ADGRA2: variants seen among roughly 807,000 people sequenced by gnomAD.
ADGRA2 encodes G-protein coupled receptor 124.
In ADGRA2, 61 loss-of-function variants were observed where a neutral mutation model predicts 98.7. The observed-to-expected ratio is 0.62, with a 90% CI of 0.50 to 0.76. ADGRA2 has a LOEUF of 0.76. Ranked by LOEUF, ADGRA2 falls within the 30% of genes least tolerant of loss-of-function variation. The pLI is 0.00. For missense variants in ADGRA2, 1,712 were observed against 1,860.0 expected (o/e 0.92, Z 1.46); for synonymous variants, 858 against 831.5 (o/e 1.03, Z -0.55).
In ADGRA2 at chr8:37,837,798, C is replaced by T. The variant is rs567655165; in HGVS notation, c.2118C>T (p.Ala706=). ...CGCTGCGGCACTGGGCTGAGGGAGC[C>T]GAACCTGTGGCCGCTTGGTGGAGCC... ...AVSLRHWAEG[A]EPVAAWWSQE... The change falls in exon 14 of 19, where the codon GCC becomes GCT. Residue 706 remains alanine (A), a synonymous_variant. Coordinates refer to ENST00000412232, the MANE Select transcript of ADGRA2 (RefSeq NM_032777.10). 3.7e-5 allele frequency: 58 copies of T among 1,547,624 alleles called. 1 individual carries two copies. Among genetic ancestry groups the T allele is most frequent in the African/African-American group, 2.9e-4 (21 of 73,212 alleles).
At chr8:37,831,975 G>A (rs1370652420) in intron 8 of ADGRA2, among the ~76,000 whole-genome samples, 1 of 152,120 alleles carries the variant, frequency 6.6e-6, no homozygotes, top group Admixed American at 6.5e-5. Context: ...CAGGAGAATC[G>A]CTTGAACCCA....
intron 1 of ADGRA2, among the ~76,000 whole-genome samples, chr8:37,813,474 T>C (rs1804896630): frequency 6.6e-6 from 1 of 152,170 alleles, no homozygotes; most frequent in African/African-American, 2.4e-5. Context: ...ACGACTACTG[T>C]GATGTACTTT....
At position 37,797,373 on chromosome 8, in the gene ADGRA2, C is replaced by T; in HGVS notation, c.105C>T (p.Pro35=). 2.1e-6 allele frequency: 3 copies of T among 1,425,572 alleles called. No homozygotes were observed. Among genetic ancestry groups the T allele is most frequent in the Non-Finnish European group, 2.8e-6 (3 of 1,090,652 alleles). 88.3% of individuals were successfully genotyped at this position (1,425,572 alleles called of 1,614,324 possible). A position where few individuals can be genotyped will look rare whatever the true frequency, so the allele number is the denominator to read the frequency against. Reference sequence around the variant, plus strand: ...TGGCGCCCGAGGCTCGGGGCGCGCCCGGCTGCCCGCTATCCATCCGCAGCT... The same window carrying T: ...TGGCGCCCGAGGCTCGGGGCGCGCCTGGCTGCCCGCTATCCATCCGCAGCT... ...LLLAPEARGA[P]GCPLSIRSCK... is the part of the protein sequence containing the mutation. Residue 35 remains proline (P), a synonymous_variant, in exon 1 of 19, where the codon CCC becomes CCT. Coordinates refer to ENST00000412232, the MANE Select transcript of ADGRA2 (RefSeq NM_032777.10). The surrounding 1 kb of genome is among the most constrained non-coding windows in gnomAD (Gnocchi z 5.3).
intron 9 of ADGRA2, 51 bp downstream of exon 9, chr8:37,833,259 A>G: frequency 7.0e-7 from 1 of 1,422,556 alleles, no homozygotes; most frequent in Non-Finnish European, 9.6e-7. Context: ...GGCACAGGGA[A>G]GGGAGAAGCC....
At chr8:37,806,631 G>GCAATTCT (rs1804677465) in intron 1 of ADGRA2, among the ~76,000 whole-genome samples, 1 of 149,010 alleles carries the variant, frequency 6.7e-6, no homozygotes, top group Admixed American at 6.7e-5. Flanking sequence ...CTGGGTTCAA[G>GCAATTCT]CAATTCTCCT....
intron 1 of ADGRA2, among the ~76,000 whole-genome samples, chr8:37,807,241 A>G (rs1020215008): frequency 5.9e-5 from 9 of 152,180 alleles, no homozygotes; most frequent in African/African-American, 2.2e-4. Flanking sequence ...CCTCACCAAC[A>G]TTTATGTCCC....
chr8:37,841,305 A>G lies in ADGRA2; in HGVS notation c.2967A>G (p.Ser989=). The G allele has an allele frequency of 6.2e-7, 1 of 1,609,072 alleles. No homozygotes were observed. The highest frequency in any genetic ancestry group is 2.2e-5 in the East Asian group (1 of 44,786). The change falls in exon 19 of 19, where the codon TCA becomes TCG. Residue 989 remains serine (S), a synonymous_variant. Transcript: ENST00000412232. This position sits in a 1 kb window ranked among gnomAD's most constrained non-coding sequence, Gnocchi z 5.0. ...LRGSGPLLSD[S]GSLLATGSAR... ...GCAGCGGCCCCCTCCTGAGTGACTC[A>G]GGTTCCCTTCTTGCTACTGGGAGCG... is the stretch of plus-strand genomic sequence containing the variant.
intron 2 of ADGRA2, among the ~76,000 whole-genome samples, chr8:37,821,668 T>C (rs1001159321): frequency 6.6e-6 from 1 of 152,050 alleles, no homozygotes; most frequent in Admixed American, 6.5e-5. Flanking sequence ...AGCACATGGG[T>C]CTGTGTGGAC....
chr8:37,829,193 T>A, intron 3 of ADGRA2, 68 bp from the exon 4 acceptor site: 1 of 1,168,792 alleles, frequency 8.6e-7, no homozygotes, highest in Non-Finnish European at 1.3e-6. Context: ...CCCACCCATG[T>A]GTTCCTCACA....
chr8:37,834,131 A>T lies in ADGRA2; in HGVS notation c.1608+3A>T. On this transcript the variant is annotated splice_donor_region_variant and intron_variant, in intron 11 of 18. Coordinates refer to ENST00000412232, the MANE Select transcript of ADGRA2 (RefSeq NM_032777.10). This position sits in a 1 kb window ranked among gnomAD's most constrained non-coding sequence, Gnocchi z 4.2. ...CCCATGCCCAGCACATCTCAGTGGT[A>T]ATGGGGGTCAGCAGAGGGGGTGGCC... The T allele has an allele frequency of 1.2e-6, 2 of 1,607,812 alleles. No individual in the cohort carries two copies. The highest frequency in any genetic ancestry group is 1.7e-6 in the Non-Finnish European group (2 of 1,177,400).
At position 37,797,500 on chromosome 8, in the gene ADGRA2, G is replaced by A. The variant is rs768865629; in HGVS notation, c.232G>A (p.Glu78Lys). The A allele has an allele frequency of 2.9e-6, 4 of 1,403,238 alleles. No homozygotes were observed. Among genetic ancestry groups the A allele is most frequent in the Non-Finnish European group, 3.7e-6 (4 of 1,075,036 alleles). 86.9% of individuals were successfully genotyped at this position (1,403,238 alleles called of 1,614,324 possible). A position where few individuals can be genotyped will look rare whatever the true frequency, so the allele number is the denominator to read the frequency against. Residue 78 changes from glutamate to lysine, a missense_variant, in exon 1 of 19, where the codon GAG becomes AAG. Coordinates refer to ENST00000412232, the MANE Select transcript of ADGRA2 (RefSeq NM_032777.10). The surrounding 1 kb of genome is among the most constrained non-coding windows in gnomAD (Gnocchi z 5.3). ...CGGCGGGGACCTCCCGGAGCCTCCCGAGCCCGGCCTTCTGCCTAACGGCAC... is the reference window on the plus strand; with the variant it reads ...CGGCGGGGACCTCCCGGAGCCTCCCAAGCCCGGCCTTCTGCCTAACGGCAC... ...CSGGDLPEPP[E>K]PGLLPNGTVT...
In ADGRA2 at chr8:37,797,236, C is replaced by A; in HGVS notation, c.-33C>A. The A allele has an allele frequency of 8.2e-7, 1 of 1,225,102 alleles. No individual in the cohort carries two copies. The highest frequency in any genetic ancestry group is 1.0e-6 in the Non-Finnish European group (1 of 984,692). 75.9% of individuals were successfully genotyped at this position (1,225,102 alleles called of 1,614,324 possible). On this transcript the variant is annotated 5_prime_UTR_variant, in exon 1 of 19. Transcript: ENST00000412232. The surrounding 1 kb of genome is among the most constrained non-coding windows in gnomAD (Gnocchi z 5.3). ...CTCCGGCCGGCGCGCAGCCCGGCCC[C>A]AGCGCTGTGGGTCCCCGCGGGGCGA...
intron 7 of ADGRA2, 105 bp from the exon 8 acceptor site, chr8:37,831,318 A>T: frequency 9.5e-7 from 1 of 1,049,626 alleles, no homozygotes; most frequent in African/African-American, 1.6e-5. Context: ...TTGTTTCATT[A>T]AAGAAAAAAG....
chr8:37,840,021 C>A, intron 16 of ADGRA2, 100 bp from the exon 17 acceptor site: 1 of 1,138,922 alleles, frequency 8.8e-7, no homozygotes, highest in East Asian at 2.4e-5. Context: ...AAGCTGGGGG[C>A]CGGAGGCTGG....
At position 37,841,438 on chromosome 8, in the gene ADGRA2, G is replaced by A. The variant is rs749380224; in HGVS notation, c.3100G>A (p.Ala1034Thr). The stretch of plus-strand genomic sequence containing the variant: ...GCACTTCCTGTACTTGGCCATGTGG[G>A]CCTGCGGGGCTCTGGCAGTGTCCCA... ...TTHFLYLAMW[A>T]CGALAVSQRW... Residue 1034 changes from alanine to threonine, a missense_variant, in exon 19 of 19, where the codon GCC becomes ACC. Physicochemically the swap from Ala to Thr is moderately conservative, Grantham distance 58. Coordinates refer to ENST00000412232, the MANE Select transcript of ADGRA2 (RefSeq NM_032777.10). This position sits in a 1 kb window ranked among gnomAD's most constrained non-coding sequence, Gnocchi z 5.0. 78 of 1,612,820 alleles carry A rather than the reference G, an allele frequency of 4.8e-5. No individual in the cohort carries two copies. Among genetic ancestry groups the A allele is most frequent in the Middle Eastern group, 1.6e-4 (1 of 6,076 alleles).
At position 37,844,393 on chromosome 8, in the gene ADGRA2, G is replaced by C; in HGVS notation, c.*2038G>C. 6.7e-7 allele frequency: 1 copy of C among 1,495,932 alleles called. No individual in the cohort carries two copies. Among genetic ancestry groups the C allele is most frequent in the Non-Finnish European group, 9.0e-7 (1 of 1,105,600 alleles). 92.7% of individuals were successfully genotyped at this position (1,495,932 alleles called of 1,614,324 possible). On this transcript the variant is annotated 3_prime_UTR_variant, in exon 19 of 19. Coordinates refer to ENST00000412232, the MANE Select transcript of ADGRA2 (RefSeq NM_032777.10). ...CTCTTGGTTCCTTCAAACAAGAAAA[G>C]CAATACCTACGGACTGGTGTACACT...
At chr8:37,831,636 C>T in intron 8 of ADGRA2, 49 bp downstream of exon 8, 1 of 1,559,644 alleles carries the variant, frequency 6.4e-7, no homozygotes, top group Non-Finnish European at 8.8e-7. Context: ...CCAACCCCAC[C>T]CTTGCACCTG....
chr8:37,829,215 G>A (rs74874676), intron 3 of ADGRA2, 46 bp from the exon 4 acceptor site: 49 of 1,444,568 alleles, frequency 3.4e-5, no homozygotes, highest in African/African-American at 2.2e-4. Context: ...GTGGACCCAC[G>A]TGCTGCCACG....
intron 3 of ADGRA2, 76 bp from the exon 4 acceptor site, chr8:37,829,185 C>CACCCATGTGTTCCTCACAAGTGG: frequency 3.6e-6 from 4 of 1,113,542 alleles, no homozygotes; most frequent in Non-Finnish European, 5.5e-6. Flanking sequence ...GCCCTGGCCC[C>CACCCATGTGTTCCTCACAAGTGG]ACCCATGTGT....
Sources: allele counts gnomAD v4.1 joint callset (sites outside exome capture counted in the v4.1 genomes callset), GRCh38; gene constraint gnomAD v4.1.1; non-coding constraint Gnocchi (gnomAD v3.1); transcripts MANE v1.5; gene names NCBI Gene and HGNC (gene_info 2026-07-23, HGNC 2026-07-21).